The following RAPGEFL1 variants were observed in gnomAD, a reference collection of about 807,000 sequenced individuals.
RAPGEFL1 encodes the protein rap guanine nucleotide exchange factor-like 1.
A neutral mutation model predicts 64.4 loss-of-function variants in RAPGEFL1; 31 were observed. That is an observed-to-expected ratio of 0.48 (90% CI 0.36 to 0.65). The LOEUF (loss-of-function observed/expected upper bound fraction) is 0.65. Among genes scored for constraint, RAPGEFL1 ranks in the 30% least tolerant of loss-of-function variants. The pLI is 0.00. For missense variants in RAPGEFL1, 682 were observed against 677.4 expected (o/e 1.01, Z -0.08); for synonymous variants, 331 against 274.1 (o/e 1.21, Z -2.05).
rs1770183677 is a variant in RAPGEFL1, at chr17:40,184,658, G to A, written c.813G>A (p.Leu271=). 3.2e-6 allele frequency: 5 copies of A among 1,582,542 alleles called. No homozygotes were observed. The South Asian group carries it at 3.4e-5, about 11-fold the overall frequency. The change falls in exon 4 of 15, where the codon CTG becomes CTA. Residue 271 remains leucine, a synonymous_variant. Transcript: ENST00000620260. The part of the protein sequence containing the change: ...LREDTLRLHQ[L]VETVELKIPE... ...AGGACACTCTGAGGCTGCACCAGCT[G>A]GTGGAGACGGTGGAACTAAAGTGAG...
At chr17:40,186,892 CA>C (rs565969931) in intron 4 of RAPGEFL1, among the ~76,000 whole-genome samples, 2,175 of 65,228 alleles carry the variant, frequency 0.033, 61 homozygotes, top group African/African-American at 0.11. Flanking sequence ...GACTCTGTCT[CA>C]AAAAAAAAAA....
chr17:40,190,796 T>C (rs1166302262), intron 8 of RAPGEFL1, 34 bp downstream of exon 8: 5 of 1,611,002 alleles, frequency 3.1e-6, no homozygotes, highest in Admixed American at 1.7e-5. Flanking sequence ...GCTGGGGGGC[T>C]GGAGGGAGAA....
Position 40,194,229 on chromosome 17 carries a change from T to C in RAPGEFL1, c.*441T>C, listed in dbSNP as rs1280408988. 1 of 181,712 alleles carries C rather than the reference T, an allele frequency of 5.5e-6. No homozygotes were observed. Among genetic ancestry groups the C allele is most frequent in the East Asian group, 1.4e-4 (1 of 7,266 alleles). The allele number at this position is 181,712 out of a possible 1,614,324, so 11.3% of individuals were successfully genotyped here. A position where few individuals can be genotyped will look rare whatever the true frequency, so the allele number is the denominator to read the frequency against. ...GCTGGGACCCCCAGGAATATTATGT[T>C]GCCGTGTGTGTGTGTGTGTGTGTGT... On this transcript the variant is annotated 3_prime_UTR_variant, in exon 15 of 15. Transcript: ENST00000620260.
At position 40,190,539 on chromosome 17, in the gene RAPGEFL1, C is replaced by A. The variant is rs770560642; in HGVS notation, c.1212+8C>A. The A allele has an allele frequency of 7.4e-6, 12 of 1,614,066 alleles. No homozygotes were observed. In the African/African-American group the frequency reaches 1.6e-4, roughly 22 times the overall value. On this transcript the variant is annotated splice_region_variant and intron_variant, in intron 7 of 14. Transcript: ENST00000620260. The stretch of plus-strand genomic sequence containing the variant: ...GACAGCTATGAGGCTCTGGTAAGAA[C>A]TTCCCAAGGCCTTGACTGGAATGGA...
At chr17:40,189,106 A>C in intron 5 of RAPGEFL1, 102 bp from the exon 6 acceptor site, 1 of 1,482,824 alleles carries the variant, frequency 6.7e-7, no homozygotes, top group Non-Finnish European at 9.4e-7. Flanking sequence ...GACCTTCTTC[A>C]GAGGCCAGCC....
In RAPGEFL1 at chr17:40,193,915, C is replaced by A. The variant is rs1045003246; in HGVS notation, c.*127C>A. 6 of 1,310,970 alleles carry A rather than the reference C, an allele frequency of 4.6e-6. No homozygotes were observed. The African/African-American group carries it at 5.9e-5, about 13-fold the overall frequency. The allele number at this position is 1,310,970 out of a possible 1,614,324, so 81.2% of individuals were successfully genotyped here. A position where few individuals can be genotyped will look rare whatever the true frequency, so the allele number is the denominator to read the frequency against. On this transcript the variant is annotated 3_prime_UTR_variant, in exon 15 of 15. Coordinates refer to ENST00000620260, the MANE Select transcript of RAPGEFL1 (RefSeq NM_016339.6). ...ACTTCCTGCTCCACGGGAAAGAGGT[C>A]GATGGATTTACCCCTGGACCCATAA...
At position 40,191,991 on chromosome 17, in the gene RAPGEFL1, A is replaced by G. The variant is rs1462017828; in HGVS notation, c.1606-222A>G. On this transcript the variant is annotated intron_variant, in intron 10 of 14. Transcript: ENST00000620260. This position sits in a 1 kb window ranked among gnomAD's most constrained non-coding sequence, Gnocchi z 5.1. ...GCATCTTTATACAAAGCACCTGCAT[A>G]AGACAGACCTGGCCTTCCCCAGAAT... Among the ~76,000 whole-genome samples the G allele has an allele frequency of 6.6e-6, 1 of 152,192 alleles. No homozygotes were observed. The highest frequency in any genetic ancestry group is 1.5e-5 in the Non-Finnish European group (1 of 68,036).
intron 4 of RAPGEFL1, among the ~76,000 whole-genome samples, chr17:40,187,727 C>T (rs974074660): frequency 6.6e-6 from 1 of 151,810 alleles, no homozygotes; most frequent in Non-Finnish European, 1.5e-5. Context: ...TCTCCTGCCT[C>T]AGCCTTCTGA....
chr17:40,187,570 G>A (rs1167535939), intron 4 of RAPGEFL1, among the ~76,000 whole-genome samples: 3 of 151,662 alleles, frequency 2.0e-5, no homozygotes, highest in Admixed American at 6.6e-5. Context: ...AACTTCCCAT[G>A]GTCGGTTATA....
chr17:40,178,527 G>C (rs563739380), intron 1 of RAPGEFL1, 146 bp downstream of exon 1: 45 of 412,232 alleles, frequency 1.1e-4, no homozygotes, highest in African/African-American at 8.0e-4. Flanking sequence ...CCTAGCGGAG[G>C]TACAGACCCT....
chr17:40,189,113 A>G, intron 5 of RAPGEFL1, 95 bp from the exon 6 acceptor site: 1 of 1,475,734 alleles, frequency 6.8e-7, no homozygotes, highest in Non-Finnish European at 9.4e-7. Flanking sequence ...TTCAGAGGCC[A>G]GCCTCTGGTG....
chr17:40,181,421 C>A (rs1297000769), intron 1 of RAPGEFL1, 195 bp from the exon 2 acceptor site: 2 of 660,052 alleles, frequency 3.0e-6, no homozygotes, highest in South Asian at 3.0e-5. Context: ...CTGCCGAACC[C>A]ACCCTCGCAG....
At chr17:40,177,428 T>A, upstream of RAPGEFL1, 1 of 431,126 alleles carries the variant, frequency 2.3e-6, no homozygotes, top group Non-Finnish European at 4.6e-6. Flanking sequence ...GGGCGGGGAC[T>A]GGGCGGGGAC....
Position 40,192,638 on chromosome 17 carries a change from A to C in RAPGEFL1, c.1689A>C (p.Glu563Asp), listed in dbSNP as rs747343715. ...DPCRNHKSYREVISKMKPPVI... is the reference protein window; with the variant it reads ...DPCRNHKSYRDVISKMKPPVI... ...GCAGGAACCACAAAAGCTACCGAGA[A>C]GTGATCTCCAAAATGAAGCCCCCTG... Residue 563 changes from glutamate (E) to aspartate (D), a missense_variant, in exon 12 of 15, where the codon GAA (glutamate) becomes GAC (aspartate). By Grantham distance (45) the Glu-to-Asp change is conservative. This residue lies in a region of RAPGEFL1 where 411 missense variants were observed against 519.4 expected (regional missense o/e 0.79). Coordinates refer to ENST00000620260, the MANE Select transcript of RAPGEFL1 (RefSeq NM_016339.6). 1.2e-6 allele frequency: 2 copies of C among 1,614,006 alleles called. No homozygotes were observed. Among genetic ancestry groups the C allele is most frequent in the South Asian group, 1.1e-5 (1 of 91,074 alleles).
chr17:40,178,443 C>G, intron 1 of RAPGEFL1, 62 bp downstream of exon 1: 1 of 467,594 alleles, frequency 2.1e-6, no homozygotes, highest in Non-Finnish European at 3.8e-6. Context: ...TCTTCCTTGC[C>G]CTTGGAGCGT....
rs1221458636 is a variant in RAPGEFL1, at chr17:40,192,242, T to A, written c.1635T>A (p.Phe545Leu). 1 of 1,613,996 alleles carries A rather than the reference T, an allele frequency of 6.2e-7. No homozygotes were observed. Among genetic ancestry groups the A allele is most frequent in the Non-Finnish European group, 8.5e-7 (1 of 1,179,962 alleles). Residue 545 changes from phenylalanine (F) to leucine (L), a missense_variant, in exon 11 of 15, where the codon TTT (phenylalanine) becomes TTA (leucine). Physicochemically the swap from Phe to Leu is conservative, Grantham distance 22. Transcript: ENST00000620260. ...EKLPGKFKNL[F>L]RKFENLTDPC... is the part of the protein sequence containing the mutation. Reference sequence around the variant, plus strand: ...TGCCAGGGAAATTCAAGAACTTGTTTCGCAAATTTGAGAACCTGACGGTGA... The same window carrying A: ...TGCCAGGGAAATTCAAGAACTTGTTACGCAAATTTGAGAACCTGACGGTGA...
intron 1 of RAPGEFL1, chr17:40,181,380 G>C (rs771088417): frequency 1.6e-6 from 1 of 629,586 alleles, no homozygotes; most frequent in African/African-American, 1.8e-5. Flanking sequence ...AAAGGCACGC[G>C]CCCCCCCCTT....
chr17:40,191,562 C>G lies in RAPGEFL1; in HGVS notation c.1515-20C>G, dbSNP rs777566632. 68 of 1,583,664 alleles carry G rather than the reference C, an allele frequency of 4.3e-5. No individual in the cohort carries two copies. Among genetic ancestry groups the G allele is most frequent in the Non-Finnish European group, 5.7e-5 (66 of 1,166,400 alleles). On this transcript the variant is annotated intron_variant, in intron 9 of 14. Transcript: ENST00000620260. This position sits in a 1 kb window ranked among gnomAD's most constrained non-coding sequence, Gnocchi z 5.1. ...GCCCGCGCCGCCGCCCGCCCCTGACCCCGCCTCCCACCCCCGCAGCTGCAA... is the reference window on the plus strand; with the variant it reads ...GCCCGCGCCGCCGCCCGCCCCTGACGCCGCCTCCCACCCCCGCAGCTGCAA...
At chr17:40,189,077 G>A (rs1464520042) in intron 5 of RAPGEFL1, 99 bp downstream of exon 5, 1 of 1,459,960 alleles carries the variant, frequency 6.8e-7, no homozygotes, top group Non-Finnish European at 9.6e-7. Context: ...CTGGGTGGTA[G>A]AACCAGCCCC....
Sources: allele counts gnomAD v4.1 joint callset (sites outside exome capture counted in the v4.1 genomes callset), GRCh38; gene constraint gnomAD v4.1.1; regional missense constraint gnomAD v4.1.1; non-coding constraint Gnocchi (gnomAD v3.1); transcripts MANE v1.5; gene names NCBI Gene and HGNC (gene_info 2026-07-23, HGNC 2026-07-21).